Variants in SCARA5 observed in about 807,000 individuals in gnomAD.
SCARA5 encodes scavenger receptor class A member 5.
In SCARA5, 45 loss-of-function variants were observed where a neutral mutation model predicts 46.3. The ratio of observed to expected loss-of-function variants is 0.97; its 90% CI spans 0.76 to 1.24. The LOEUF (loss-of-function observed/expected upper bound fraction) is 1.24. Ranked by LOEUF, SCARA5 falls within the 50% of genes most tolerant of loss-of-function variation. The pLI, the probability that SCARA5 is intolerant of heterozygous loss-of-function variation, is 0.00. For missense variants in SCARA5, 680 were observed against 689.0 expected (o/e 0.99, Z 0.15); for synonymous variants, 333 against 306.5 (o/e 1.09, Z -0.90).
chr8:27,895,323 G>A (rs1269129341), intron 7 of SCARA5, among the ~76,000 whole-genome samples: 1 of 152,200 alleles, frequency 6.6e-6, no homozygotes, highest in Non-Finnish European at 1.5e-5. Context: ...GCTCTGCTGA[G>A]GCTGAGGTGA....
chr8:27,901,683 C>T (rs1437420336), intron 7 of SCARA5, among the ~76,000 whole-genome samples: 3 of 152,162 alleles, frequency 2.0e-5, no homozygotes, highest in South Asian at 2.1e-4. Context: ...TGGGAAGACA[C>T]CCCGCAATGG....
At chr8:27,944,950 GAA>G (rs1212089941) in intron 3 of SCARA5, among the ~76,000 whole-genome samples, 1 of 152,254 alleles carries the variant, frequency 6.6e-6, no homozygotes, top group East Asian at 1.9e-4. Flanking sequence ...TGGATGACTT[GAA>G]CCCAGGAGCT....
chr8:27,907,397 AC>A (rs1807281726), intron 5 of SCARA5, 151 bp from the exon 6 acceptor site: 1 of 562,900 alleles, frequency 1.8e-6, no homozygotes, highest in African/African-American at 1.9e-5. Flanking sequence ...AGATGCCACC[AC>A]AGCAGAGTCA....
chr8:27,969,889 T>C (rs372086317), intron 2 of SCARA5, among the ~76,000 whole-genome samples: 6 of 152,226 alleles, frequency 3.9e-5, no homozygotes, highest in African/African-American at 1.4e-4. Flanking sequence ...GTAAAAACTT[T>C]AACAGGCATT....
chr8:27,977,593 T>G (rs997548541), intron 2 of SCARA5, among the ~76,000 whole-genome samples: 2 of 152,360 alleles, frequency 1.3e-5, no homozygotes, highest in African/African-American at 2.4e-5. Context: ...GGGCGGTAGA[T>G]GTTTCTCTTT....
chr8:27,936,734 A>G (rs1807864077), intron 3 of SCARA5, among the ~76,000 whole-genome samples: 1 of 152,090 alleles, frequency 6.6e-6, no homozygotes, highest in Admixed American at 6.6e-5. Flanking sequence ...AGCATGGAAC[A>G]CACACCGTGC....
chr8:27,882,888 A>G (rs377139537), intron 7 of SCARA5, among the ~76,000 whole-genome samples: 4 of 152,236 alleles, frequency 2.6e-5, no homozygotes, highest in African/African-American at 9.6e-5. Context: ...CCTGGCACAT[A>G]ATAGGCCCTT....
intron 1 of SCARA5, among the ~76,000 whole-genome samples, chr8:27,991,212 T>C (rs568141513): frequency 6.6e-6 from 1 of 152,300 alleles, no homozygotes; most frequent in South Asian, 2.1e-4. Context: ...GGAAGGTGGG[T>C]AGCTGCTGGT....
chr8:27,990,044 G>A (rs1808765686), intron 1 of SCARA5, among the ~76,000 whole-genome samples: 1 of 152,246 alleles, frequency 6.6e-6, no homozygotes, highest in Admixed American at 6.5e-5. Context: ...CCTGGGGAGT[G>A]GAGGTGTGAG....
chr8:27,979,721 G>C (rs1210310843), intron 2 of SCARA5, among the ~76,000 whole-genome samples: 1 of 152,006 alleles, frequency 6.6e-6, no homozygotes, highest in East Asian at 1.9e-4. Flanking sequence ...GCCACGCCTG[G>C]CTAATTTTTT....
intron 3 of SCARA5, 126 bp downstream of exon 3, chr8:27,966,288 C>T: frequency 1.0e-6 from 1 of 1,001,672 alleles, no homozygotes; most frequent in Non-Finnish European, 1.4e-6. Flanking sequence ...CTTCTTCCTT[C>T]TTCCTCTATG....
chr8:27,956,291 C>T (rs1426016505), intron 3 of SCARA5, among the ~76,000 whole-genome samples: 1 of 152,124 alleles, frequency 6.6e-6, no homozygotes, highest in Admixed American at 6.5e-5. Flanking sequence ...CATCCCCAAA[C>T]CCATAATAAT....
At chr8:27,880,857 G>GA (rs71222524) in intron 7 of SCARA5, among the ~76,000 whole-genome samples, 1,260 of 94,790 alleles carry the variant, frequency 0.013, 62 homozygotes, top group African/African-American at 0.041. Context: ...CCTGTCTAAG[G>GA]AAAAAAAAAA....
In SCARA5 at chr8:27,871,945, T is replaced by TA; in HGVS notation, c.1476_1477insT (p.Asn493Ter). The TA allele has an allele frequency of 6.2e-7, 1 of 1,614,186 alleles. No individual in the cohort carries two copies. Among genetic ancestry groups the TA allele is most frequent in the Non-Finnish European group, 8.5e-7 (1 of 1,180,040 alleles). ...GGCTCTGCCCACTTTCAGTGTCTGT[T>TA]GCATGTCACGCTGGCATCTTCGGCA... On this transcript the variant is annotated frameshift_variant, in exon 9 of 9. Coordinates refer to ENST00000354914, the MANE Select transcript of SCARA5 (RefSeq NM_173833.6). LOFTEE classifies it high-confidence loss of function.
intron 3 of SCARA5, among the ~76,000 whole-genome samples, chr8:27,956,185 A>G (rs1444448527): frequency 2.0e-5 from 3 of 152,300 alleles, no homozygotes; most frequent in African/African-American, 4.8e-5. Context: ...AAAACTACCT[A>G]TGGGGTGCAA....
intron 4 of SCARA5, among the ~76,000 whole-genome samples, chr8:27,918,396 A>C (rs539866122): frequency 5.3e-5 from 8 of 152,200 alleles, no homozygotes; most frequent in African/African-American, 1.9e-4. Context: ...GGGCCCCATC[A>C]TTATACTTTC....
intron 3 of SCARA5, among the ~76,000 whole-genome samples, chr8:27,947,343 A>C (rs1242910173): frequency 4.7e-4 from 72 of 152,164 alleles, no homozygotes; most frequent in Admixed American, 4.7e-3. Context: ...AATTGGCTTA[A>C]AAATCCAAAG....
At chr8:27,892,288 C>T (rs1403154947) in intron 7 of SCARA5, among the ~76,000 whole-genome samples, 3 of 152,200 alleles carry the variant, frequency 2.0e-5, no homozygotes, top group Non-Finnish European at 4.4e-5. Context: ...ACAAGGCCCA[C>T]CTGAACTATG....
At chr8:27,964,571 T>G (rs1808340090) in intron 3 of SCARA5, among the ~76,000 whole-genome samples, 1 of 152,216 alleles carries the variant, frequency 6.6e-6, no homozygotes, top group South Asian at 2.1e-4. Flanking sequence ...ACGGCACTAC[T>G]TGTTAGCAAA....
Sources: gnomAD v4.1 joint callset for allele counts (sites outside exome capture counted in the v4.1 genomes callset) on GRCh38, gnomAD v4.1.1 for gene constraint, MANE v1.5 for transcripts, NCBI Gene and HGNC (gene_info 2026-07-23, HGNC 2026-07-21) for gene names.